The following CDC7 variants were observed in gnomAD, a reference collection of about 807,000 sequenced individuals.
CDC7 encodes cell division cycle 7-related protein kinase.
A neutral mutation model predicts 53.5 loss-of-function variants in CDC7; 34 were observed. The ratio of observed to expected loss-of-function variants is 0.64; its 90% CI spans 0.48 to 0.85. The LOEUF (loss-of-function observed/expected upper bound fraction) is 0.85. Among genes scored for constraint, CDC7 ranks in the 40% least tolerant of loss-of-function variants. CDC7 has a pLI of 0.00. For synonymous variants in CDC7, 211 were observed against 222.8 expected (o/e 0.95, Z 0.47); for missense variants, 594 against 679.7 (o/e 0.87, Z 1.40).
intron 1 of CDC7, 99 bp from the exon 2 acceptor site, chr1:91,501,548 CACATCGT>C (rs1310760201): frequency 1.6e-6 from 1 of 638,554 alleles, no homozygotes; most frequent in African/African-American, 1.8e-5. Context: ...GAGGTTTGGA[CACATCGT>C]GCGTTTGAAA....
chr1:91,512,055 C>G, intron 6 of CDC7, 132 bp downstream of exon 6: 3 of 650,650 alleles, frequency 4.6e-6, no homozygotes, highest in Non-Finnish European at 7.3e-6. Flanking sequence ...AAATATTTAT[C>G]TCAGTTACCC....
chr1:91,512,093 C>A (rs1274264743), intron 6 of CDC7, among the ~76,000 whole-genome samples, 170 bp downstream of exon 6: 1 of 151,998 alleles, frequency 6.6e-6, no homozygotes, highest in Non-Finnish European at 1.5e-5. Context: ...ACGGCAAGAG[C>A]AGCTAAAATT....
At chr1:91,500,985 G>A (rs552412803) in intron 1 of CDC7, 37 bp downstream of exon 1, 1 of 152,380 alleles carries the variant, frequency 6.6e-6, no homozygotes, top group East Asian at 1.9e-4. Context: ...GCGCGGGATT[G>A]TGAGGGATTA....
At chr1:91,508,434 A>G (rs1306973562) in intron 4 of CDC7, 37 bp downstream of exon 4, 1 of 1,518,168 alleles carries the variant, frequency 6.6e-7, no homozygotes, top group South Asian at 1.2e-5. Context: ...GAACTTGTAT[A>G]TAATTTATAA....
intron 8 of CDC7, 48 bp downstream of exon 8, chr1:91,514,091 A>G (rs756842846): frequency 4.1e-6 from 5 of 1,229,250 alleles, no homozygotes; most frequent in Non-Finnish European, 5.9e-6. Context: ...TCATACACTG[A>G]AGAGAATTTA....
chr1:91,515,255 A>G (rs1256323095), intron 9 of CDC7, among the ~76,000 whole-genome samples: 1 of 152,242 alleles, frequency 6.6e-6, no homozygotes, highest in East Asian at 1.9e-4. Flanking sequence ...TTAGAAGCTT[A>G]GAATCACACA....
chr1:91,504,251 A>C (rs1013732991), intron 2 of CDC7, among the ~76,000 whole-genome samples: 5 of 151,966 alleles, frequency 3.3e-5, no homozygotes, highest in African/African-American at 1.2e-4. Context: ...GATTACAGGC[A>C]TGTGCCGCTA....
rs1031925613 is a variant in CDC7 at position 91,524,555 on chromosome 1, G to A, written c.*120G>A. On this transcript the variant is annotated 3_prime_UTR_variant, in exon 12 of 12. Transcript: ENST00000234626. Reference sequence around the variant, plus strand: ...ATTAATAATTTATTTTAACATTTTAGTGTTTGGTGGCACATTCTAAAATAT... The same window carrying A: ...ATTAATAATTTATTTTAACATTTTAATGTTTGGTGGCACATTCTAAAATAT... 6.7e-6 allele frequency: 5 copies of A among 750,860 alleles called. No homozygotes were observed. In the African/African-American group the frequency reaches 7.1e-5, roughly 11 times the overall value. 46.5% of individuals were successfully genotyped at this position (750,860 alleles called of 1,614,324 possible).
chr1:91,521,313 A>G (rs1667933599), intron 11 of CDC7, among the ~76,000 whole-genome samples: 1 of 152,236 alleles, frequency 6.6e-6, no homozygotes, highest in Admixed American at 6.5e-5. Context: ...AGTGATTCTG[A>G]CTAAGAAACT....
rs56282166 is a variant in CDC7 at position 91,523,894 on chromosome 1, C to CTGTGTGTGTGTGTGTG, written c.1331-131_1331-116dup. Reference sequence around the variant, plus strand: ...ATAGCATGTGGTGCTCTATCTCATACTGTGTGTGTGTGTGTGTGTGTGTGT... The same window carrying CTGTGTGTGTGTGTGTG: ...ATAGCATGTGGTGCTCTATCTCATACTGTGTGTGTGTGTGTGTGTGTGTGTGTGTGTGTGTGTGTGT... On this transcript the variant is annotated intron_variant, in intron 11 of 11. Transcript: ENST00000234626. The CTGTGTGTGTGTGTGTG allele has an allele frequency of 4.8e-5, 27 of 556,780 alleles. No homozygotes were observed. The East Asian group carries it at 7.0e-4, about 14-fold the overall frequency. 34.5% of individuals were successfully genotyped at this position (556,780 alleles called of 1,614,324 possible).
intron 2 of CDC7, among the ~76,000 whole-genome samples, chr1:91,506,928 C>G (rs1043391499): frequency 2.6e-5 from 4 of 151,982 alleles, no homozygotes; most frequent in African/African-American, 9.7e-5. Context: ...CCAACCTGGG[C>G]AACAGAGTGA....
intron 10 of CDC7, 35 bp from the exon 11 acceptor site, chr1:91,520,095 T>C: frequency 6.6e-7 from 1 of 1,512,372 alleles, no homozygotes; most frequent in Non-Finnish European, 8.9e-7. Context: ...ATTATAGATT[T>C]GAAATTTATT....
chr1:91,523,695 G>A (rs992232083), intron 11 of CDC7, among the ~76,000 whole-genome samples: 1 of 152,156 alleles, frequency 6.6e-6, no homozygotes, highest in Non-Finnish European at 1.5e-5. Context: ...GCATGGAAAG[G>A]AAGTAGAGTG....
rs1668143760 is a variant in CDC7, at chr1:91,524,190, G to T, written c.1480G>T (p.Asp494Tyr). ...SHQPAISEKT[D>Y]HKASCLVQTP... Reference sequence around the variant, plus strand: ...TCAACCAGCTATTTCAGAGAAGACTGACCATAAAGCTTCTTGCCTCGTTCA... The same window carrying T: ...TCAACCAGCTATTTCAGAGAAGACTTACCATAAAGCTTCTTGCCTCGTTCA... The change falls in exon 12 of 12, where the codon GAC becomes TAC. Residue 494 changes from aspartate (D) to tyrosine (Y), a missense_variant. Transcript: ENST00000234626. 6.2e-7 allele frequency: 1 copy of T among 1,613,886 alleles called. No individual in the cohort carries two copies. Among genetic ancestry groups the T allele is most frequent in the African/African-American group, 1.3e-5 (1 of 74,904 alleles).
rs758623971 is a variant in CDC7 at position 91,524,105 on chromosome 1, C to T, written c.1395C>T (p.Leu465=). 1.5e-5 allele frequency: 24 copies of T among 1,613,544 alleles called. No homozygotes were observed. Among genetic ancestry groups the T allele is most frequent in the South Asian group, 1.4e-4 (13 of 91,042 alleles). The change falls in exon 12 of 12, where the codon CTC becomes CTT. Residue 465 remains leucine, a synonymous_variant. Coordinates refer to ENST00000234626, the MANE Select transcript of CDC7 (RefSeq NM_003503.4). ...AQDLRKLCER[L]RGMDSSTPKL... ...ACTTGAGAAAACTCTGTGAGAGACT[C>T]AGGGGTATGGATTCTAGCACTCCCA...
chr1:91,523,167 T>C (rs1668061212), intron 11 of CDC7, among the ~76,000 whole-genome samples: 1 of 152,152 alleles, frequency 6.6e-6, no homozygotes, highest in Admixed American at 6.5e-5. Flanking sequence ...CCAAGTACTA[T>C]TGCGAGTCTC....
chr1:91,515,657 T>TA (rs1667519134), intron 9 of CDC7, 137 bp from the exon 10 acceptor site: 1 of 980,418 alleles, frequency 1.0e-6, no homozygotes, highest in Admixed American at 3.2e-5. Context: ...CACACTAGAT[T>TA]ATCATTTACT....
chr1:91,505,044 G>A (rs141651428), intron 2 of CDC7, among the ~76,000 whole-genome samples: 2 of 152,300 alleles, frequency 1.3e-5, no homozygotes, highest in East Asian at 3.9e-4. Flanking sequence ...TGGGGAAGGA[G>A]ATTGTAATTT....
At position 91,513,132 on chromosome 1, in the gene CDC7, C is replaced by G. The variant is rs368848484; in HGVS notation, c.647C>G (p.Ser216Cys). ...ATAGAGCTTCTTAAATTTGTCCAGT[C>G]TGAAGCTCAGCAGGAAAGGTGTTCA... ...TKIELLKFVQSEAQQERCSQN... is the reference protein window; with the variant it reads ...TKIELLKFVQCEAQQERCSQN... Residue 216 changes from serine to cysteine, a missense_variant, in exon 7 of 12, where the codon TCT (serine) becomes TGT (cysteine). Physicochemically the swap from Ser to Cys is moderately radical, Grantham distance 112. Transcript: ENST00000234626. 1 of 1,613,492 alleles carries G rather than the reference C, an allele frequency of 6.2e-7. No individual in the cohort carries two copies. Among genetic ancestry groups the G allele is most frequent in the African/African-American group, 1.3e-5 (1 of 74,878 alleles).
Sources: gnomAD v4.1 joint callset for allele counts (sites outside exome capture counted in the v4.1 genomes callset) on GRCh38, gnomAD v4.1.1 for gene constraint, MANE v1.5 for transcripts, NCBI Gene and HGNC (gene_info 2026-07-23, HGNC 2026-07-21) for gene names.